The following TAOK1 variants were observed in gnomAD, a reference collection of about 807,000 sequenced individuals.
TAOK1 encodes serine/threonine-protein kinase TAO1.
A neutral mutation model predicts 138.3 loss-of-function variants in TAOK1; 21 were observed. The ratio of observed to expected loss-of-function variants is 0.15; its 90% CI spans 0.11 to 0.22. The LOEUF (loss-of-function observed/expected upper bound fraction) is 0.22, where lower values mean the gene tolerates loss of function less well. TAOK1 is among the 10% of genes least tolerant of loss of function. The probability of loss-of-function intolerance (pLI) is 1.00; values close to 1 mark genes in which losing one functional copy is unlikely to be tolerated. For missense variants in TAOK1, 651 were observed against 1,227.7 expected (o/e 0.53, Z 7.02); for synonymous variants, 361 against 398.4 (o/e 0.91, Z 1.12).
intron 8 of TAOK1, among the ~76,000 whole-genome samples, chr17:29,486,646 AG>A (rs1001134762): frequency 1.3e-5 from 2 of 152,064 alleles, no homozygotes; most frequent in African/African-American, 4.8e-5. Flanking sequence ...AAAAAAAAAA[AG>A]TTATTTGAAT....
At chr17:29,405,041 A>G (rs1904953371) in intron 1 of TAOK1, among the ~76,000 whole-genome samples, 1 of 152,098 alleles carries the variant, frequency 6.6e-6, no homozygotes, top group Non-Finnish European at 1.5e-5. Flanking sequence ...GCGCAATGGC[A>G]TGATCTCGGC....
intron 8 of TAOK1, among the ~76,000 whole-genome samples, chr17:29,489,197 A>T (rs73278608): frequency 0.037 from 5,574 of 152,220 alleles, 315 homozygotes; most frequent in African/African-American, 0.13. Context: ...CAATTGATTC[A>T]CTTGAAGAAG....
At chr17:29,475,504 C>T (rs1292654095) in intron 3 of TAOK1, among the ~76,000 whole-genome samples, 166 bp from the exon 4 acceptor site, 1 of 152,162 alleles carries the variant, frequency 6.6e-6, no homozygotes, top group African/African-American at 2.4e-5. Flanking sequence ...TGTGCCACTG[C>T]ACTCCAGCCT....
intron 1 of TAOK1, among the ~76,000 whole-genome samples, chr17:29,407,020 CTTTCT>C (rs1905011026): frequency 6.6e-6 from 1 of 152,130 alleles, no homozygotes; most frequent in Non-Finnish European, 1.5e-5. Flanking sequence ...TCTTACAGTT[CTTTCT>C]TTTTTTAGAT....
At chr17:29,434,713 G>T (rs995960652) in intron 1 of TAOK1, among the ~76,000 whole-genome samples, 8 of 152,190 alleles carry the variant, frequency 5.3e-5, no homozygotes, top group African/African-American at 1.9e-4. Context: ...CTTTATCCAT[G>T]AAACAGGAAG....
At position 29,451,683 on chromosome 17, in the gene TAOK1, A is replaced by G. The variant is rs201234774; in HGVS notation, c.132+3A>G. On this transcript the variant is annotated splice_donor_region_variant and intron_variant, in intron 2 of 19. Coordinates refer to ENST00000261716, the MANE Select transcript of TAOK1 (RefSeq NM_020791.4). The stretch of plus-strand genomic sequence containing the variant: ...GAAGCTTTGGAGCAGTGTATTTTGT[A>G]AGTGTTAGTGGCTTGATGTCAGTGA... The G allele has an allele frequency of 2.5e-6, 4 of 1,612,066 alleles. No homozygotes were observed. The highest frequency in any genetic ancestry group is 1.3e-5 in the African/African-American group (1 of 74,934).
intron 15 of TAOK1, chr17:29,515,005 A>AG (rs2031790221): frequency 1.3e-5 from 2 of 151,074 alleles, no homozygotes; most frequent in African/African-American, 4.9e-5. Flanking sequence ...TCTAAAAAAA[A>AG]AAAAAAAAAA....
At chr17:29,486,335 A>G (rs1441627824) in intron 8 of TAOK1, among the ~76,000 whole-genome samples, 7 of 152,118 alleles carry the variant, frequency 4.6e-5, no homozygotes, top group Non-Finnish European at 8.8e-5. Context: ...AATTTGAGAT[A>G]AAAAATATTT....
chr17:29,490,707 C>G (rs930955817), intron 9 of TAOK1, among the ~76,000 whole-genome samples: 1 of 152,174 alleles, frequency 6.6e-6, no homozygotes, highest in Non-Finnish European at 1.5e-5. Flanking sequence ...GCTGCTGTAA[C>G]AGAGTATCAG....
rs879897997 is a variant in TAOK1 at position 29,447,629 on chromosome 17, T to A, written c.-94-3826T>A. Among the ~76,000 whole-genome samples the A allele has an allele frequency of 8.0e-4, 121 of 151,916 alleles. 1 individual carries two copies. Among genetic ancestry groups the A allele is most frequent in the Non-Finnish European group, 3.1e-4 (21 of 67,976 alleles). Reference sequence around the variant, plus strand: ...GTTGGGATTACAGGTGCAAGCTACCTCACCCGGCCTTTTTATTTTATTTTA... The same window carrying A: ...GTTGGGATTACAGGTGCAAGCTACCACACCCGGCCTTTTTATTTTATTTTA... On this transcript the variant is annotated intron_variant, in intron 1 of 19. Transcript: ENST00000261716.
chr17:29,446,764 G>A (rs1194865166), intron 1 of TAOK1, among the ~76,000 whole-genome samples: 2 of 142,278 alleles, frequency 1.4e-5, no homozygotes, highest in Admixed American at 7.2e-5. Context: ...TTGAGATGGA[G>A]TTGTGCCCTT....
intron 18 of TAOK1, among the ~76,000 whole-genome samples, chr17:29,533,183 C>T (rs1302877762): frequency 8.9e-5 from 13 of 146,838 alleles, no homozygotes; most frequent in Admixed American, 2.7e-4. Context: ...CGGGCAGAGG[C>T]GCTCCTCACA....
At chr17:29,539,047 C>T (rs778681223) in intron 19 of TAOK1, among the ~76,000 whole-genome samples, 1 of 151,946 alleles carries the variant, frequency 6.6e-6, no homozygotes, top group African/African-American at 2.4e-5. Context: ...ACTTGGTGCT[C>T]AGGAGTTTGA....
intron 1 of TAOK1, among the ~76,000 whole-genome samples, chr17:29,414,379 A>G (rs1339432840): frequency 6.6e-6 from 1 of 152,006 alleles, no homozygotes; most frequent in Non-Finnish European, 1.5e-5. Flanking sequence ...CCTCCTGAGT[A>G]GCTGGGATTA....
chr17:29,410,619 G>GTTTTT (rs61646352), intron 1 of TAOK1, among the ~76,000 whole-genome samples: 4 of 125,988 alleles, frequency 3.2e-5, no homozygotes, highest in African/African-American at 1.2e-4. Context: ...AGGGTTTTTT[G>GTTTTT]TTTTTTTTTT....
intron 11 of TAOK1, among the ~76,000 whole-genome samples, chr17:29,496,465 G>A (rs2031415837): frequency 6.6e-6 from 1 of 151,352 alleles, no homozygotes. Flanking sequence ...TGTGCTTTTG[G>A]AAGTTCTTGA....
chr17:29,498,159 A>G (rs2031449531), intron 11 of TAOK1, among the ~76,000 whole-genome samples, 159 bp from the exon 12 acceptor site: 1 of 152,218 alleles, frequency 6.6e-6, no homozygotes, highest in Non-Finnish European at 1.5e-5. Context: ...CTAACAGTTG[A>G]TAAACTTCCT....
In TAOK1 at chr17:29,543,251, T is replaced by C; in HGVS notation, c.*229T>C. The C allele has an allele frequency of 2.4e-6, 1 of 420,650 alleles. No homozygotes were observed. The highest frequency in any genetic ancestry group is 4.4e-5 in the South Asian group (1 of 22,772). 26.1% of individuals were successfully genotyped at this position (420,650 alleles called of 1,614,324 possible). On this transcript the variant is annotated 3_prime_UTR_variant, in exon 20 of 20. Coordinates refer to ENST00000261716, the MANE Select transcript of TAOK1 (RefSeq NM_020791.4). ...TTTGGGGAAATTTTGAAAAGTGGAGTTGATATTAAAAATAAATGTGTATGT... is the reference window on the plus strand; with the variant it reads ...TTTGGGGAAATTTTGAAAAGTGGAGCTGATATTAAAAATAAATGTGTATGT...
At chr17:29,492,524 G>A (rs998657087) in intron 10 of TAOK1, among the ~76,000 whole-genome samples, 1 of 152,220 alleles carries the variant, frequency 6.6e-6, no homozygotes, top group African/African-American at 2.4e-5. Flanking sequence ...CAGGCGCGGT[G>A]GCTCACGCCT....
Sources: gnomAD v4.1 joint callset for allele counts (sites outside exome capture counted in the v4.1 genomes callset) on GRCh38, gnomAD v4.1.1 for gene constraint, MANE v1.5 for transcripts, NCBI Gene and HGNC (gene_info 2026-07-23, HGNC 2026-07-21) for gene names.